The following DNAH12 variants were observed in gnomAD, a reference collection of about 807,000 sequenced individuals.
DNAH12 encodes the protein axonemal beta dynein heavy chain 12.
Under a neutral mutation model 371.5 loss-of-function variants are expected in DNAH12, and 285 were observed. That is an observed-to-expected ratio of 0.77 (90% confidence interval 0.70 to 0.85). DNAH12 has a LOEUF of 0.85. DNAH12 is among the 40% of genes least tolerant of loss of function. The pLI, the probability that DNAH12 is intolerant of heterozygous loss-of-function variation, is 0.00. For synonymous variants in DNAH12, 1,200 were observed against 1,213.0 expected (o/e 0.99, Z 0.22); for missense variants, 3,611 against 3,689.4 (o/e 0.98, Z 0.55).
At chr3:57,514,746 C>A (rs987073889) in intron 4 of DNAH12, among the ~76,000 whole-genome samples, 7 of 152,008 alleles carry the variant, frequency 4.6e-5, no homozygotes, top group Admixed American at 3.3e-4. Context: ...ACAAACAAAC[C>A]AATGAACCTA....
chr3:57,402,662 G>C (rs1248066943), intron 43 of DNAH12, among the ~76,000 whole-genome samples: 10 of 152,190 alleles, frequency 6.6e-5, no homozygotes, highest in Admixed American at 6.5e-4. Context: ...AGAGTAGAAA[G>C]ACACTTATCA....
In DNAH12 at chr3:57,509,681, G is replaced by A. The variant is rs547964246; in HGVS notation, c.470-469C>T. ...GTTTGAGACCAGGCTAGCCAACATG[G>A]TGAAACCCCATCTCTACTAAAAATA... On this transcript the variant is annotated intron_variant, in intron 5 of 73. Transcript: ENST00000495027. Among the ~76,000 whole-genome samples the A allele has an allele frequency of 2.7e-4, 41 of 151,974 alleles. No homozygotes were observed. In the South Asian group the frequency reaches 8.1e-3, roughly 30 times the overall value.
rs547555114 is a variant in DNAH12 at position 57,295,547 on chromosome 3, C to T, written c.11670G>A (p.Met3890Ile). Residue 3890 changes from methionine to isoleucine, a missense_variant, in exon 73 of 74, where the codon ATG (methionine) becomes ATA (isoleucine). Coordinates refer to ENST00000495027, the MANE Select transcript of DNAH12 (RefSeq NM_001366028.2). ...EQYPKLLFDL[M>I]PIIWIKPTQK... is the part of the protein sequence containing the mutation. The stretch of plus-strand genomic sequence containing the variant: ...TACTTGGTTTTATCCATATGATGGG[C>T]ATCAGGTCAAACAGAAGTTTGGGAT... 1.9e-6 allele frequency: 3 copies of T among 1,546,058 alleles called. No homozygotes were observed. In the South Asian group the frequency reaches 3.6e-5, roughly 19 times the overall value.
In DNAH12 at chr3:57,458,224, A is replaced by C; in HGVS notation, c.2932-4T>G. Reference sequence around the variant, plus strand: ...TTAAAGAAGTGGCAGCAAGAACCTAAACGAGACACATGCATTCAAGTCAGC... The same window carrying C: ...TTAAAGAAGTGGCAGCAAGAACCTACACGAGACACATGCATTCAAGTCAGC... On this transcript the variant is annotated splice_polypyrimidine_tract_variant and splice_region_variant and intron_variant, in intron 20 of 73. Coordinates refer to ENST00000495027, the MANE Select transcript of DNAH12 (RefSeq NM_001366028.2). The C allele has an allele frequency of 1.3e-6, 2 of 1,541,840 alleles. No homozygotes were observed. The highest frequency in any genetic ancestry group is 1.7e-6 in the Non-Finnish European group (2 of 1,144,656).
intron 33 of DNAH12, among the ~76,000 whole-genome samples, chr3:57,429,418 T>G (rs1310762817): frequency 6.6e-6 from 1 of 152,064 alleles, no homozygotes; most frequent in African/African-American, 2.4e-5. Flanking sequence ...TCAGGTGATC[T>G]GCCCGCCTCA....
At chr3:57,504,821 T>C (rs749844380) in intron 8 of DNAH12, among the ~76,000 whole-genome samples, 63 of 152,172 alleles carry the variant, frequency 4.1e-4, no homozygotes, top group Non-Finnish European at 6.5e-4. Flanking sequence ...TGCTAGCAAA[T>C]ACTAGGTCTT....
chr3:57,454,671 A>G lies in DNAH12; in HGVS notation c.3456+104T>C, dbSNP rs994673091. On this transcript the variant is annotated intron_variant, in intron 23 of 73. Transcript: ENST00000495027. The stretch of plus-strand genomic sequence containing the variant: ...GATTTCTTGAGGCCAGGAGTTCAAG[A>G]CTAGCCTGGGTAGCATAGCAAGATC... 4 of 1,449,204 alleles carry G rather than the reference A, an allele frequency of 2.8e-6. No individual in the cohort carries two copies. In the African/African-American group the frequency reaches 4.3e-5, roughly 16 times the overall value. 89.8% of individuals were successfully genotyped at this position (1,449,204 alleles called of 1,614,324 possible). A position where few individuals can be genotyped will look rare whatever the true frequency, so the allele number is the denominator to read the frequency against.
chr3:57,526,527 CTTTTTTTTTTT>C (rs759097908), intron 2 of DNAH12, among the ~76,000 whole-genome samples: 1 of 121,246 alleles, frequency 8.2e-6, no homozygotes, highest in Non-Finnish European at 1.7e-5. Flanking sequence ...GTTTCCAGAT[CTTTTTTTTTTT>C]TTTTTTTTTG....
chr3:57,339,380 T>TAA (rs59005430), intron 60 of DNAH12, among the ~76,000 whole-genome samples: 9 of 113,352 alleles, frequency 7.9e-5, no homozygotes, highest in East Asian at 2.3e-4. Context: ...CAATAAATAC[T>TAA]AAAAAAAAAA....
At chr3:57,532,438 A>C (rs1052174233) in intron 2 of DNAH12, among the ~76,000 whole-genome samples, 1 of 152,166 alleles carries the variant, frequency 6.6e-6, no homozygotes, top group Non-Finnish European at 1.5e-5. Context: ...TTAAGTACTT[A>C]TTGCAGTCTT....
At position 57,295,591 on chromosome 3, in the gene DNAH12, C is replaced by T. The variant is rs1286121335; in HGVS notation, c.11626G>A (p.Gly3876Arg). ...LDGARWDRES[G>R]LLAEQYPKLL... ...TTGGGATATTGTTCAGCAAGCAATC[C>T]ACTGTAACGAGAAATTGACAGAAAT... Residue 3876 changes from glycine to arginine, a missense_variant and splice_region_variant, in exon 73 of 74, where the codon GGA becomes AGA. Gly to Arg is a moderately radical substitution (Grantham distance 125). Transcript: ENST00000495027. 3 of 1,539,342 alleles carry T rather than the reference C, an allele frequency of 1.9e-6. No homozygotes were observed. Among genetic ancestry groups the T allele is most frequent in the South Asian group, 2.4e-5 (2 of 82,036 alleles).
intron 4 of DNAH12, among the ~76,000 whole-genome samples, chr3:57,520,450 A>ATT (rs11440259): frequency 0.48 from 68,573 of 141,630 alleles, 16,744 homozygotes; most frequent in South Asian, 0.56. Context: ...TATTATTATT[A>ATT]TTTTTTTTTT....
intron 35 of DNAH12, among the ~76,000 whole-genome samples, chr3:57,424,488 T>G (rs1326542979): frequency 5.1e-5 from 5 of 98,400 alleles, no homozygotes; most frequent in Non-Finnish European, 2.0e-5. Context: ...AAAAAAAAAT[T>G]GGATAGTTGC....
At chr3:57,487,895 G>T (rs13061113) in intron 12 of DNAH12, among the ~76,000 whole-genome samples, 60 of 150,180 alleles carry the variant, frequency 4.0e-4, no homozygotes, top group South Asian at 1.3e-3. Flanking sequence ...TTGTTTTTTG[G>T]TTTTTTTTAA....
intron 15 of DNAH12, 126 bp from the exon 16 acceptor site, chr3:57,470,762 A>C: frequency 1.2e-6 from 1 of 837,562 alleles, no homozygotes; most frequent in Middle Eastern, 3.6e-4. Context: ...GCTGGAGTGC[A>C]GTGGCGTGAT....
intron 9 of DNAH12, among the ~76,000 whole-genome samples, chr3:57,503,176 C>A (rs2153391124): frequency 6.6e-6 from 1 of 152,194 alleles, no homozygotes; most frequent in Admixed American, 6.5e-5. Flanking sequence ...TCACTTGAGC[C>A]CAGGAGTTCG....
chr3:57,491,999 C>G (rs1273508096), intron 11 of DNAH12, among the ~76,000 whole-genome samples: 11 of 137,018 alleles, frequency 8.0e-5, no homozygotes, highest in African/African-American at 2.7e-4. Context: ...GAGACTCTGT[C>G]AAAAAAAAAA....
Position 57,433,513 on chromosome 3 carries a change from G to A in DNAH12, c.4840-6C>T, listed in dbSNP as rs1035858664. ...GCCACAATACCATCAGTCCACTGAG[G>A]AGGAAAAAAAAGAATTAAAAAGCTC... On this transcript the variant is annotated splice_region_variant and splice_polypyrimidine_tract_variant and intron_variant, in intron 31 of 73. Coordinates refer to ENST00000495027, the MANE Select transcript of DNAH12 (RefSeq NM_001366028.2). 3.2e-6 allele frequency: 5 copies of A among 1,542,736 alleles called. No individual in the cohort carries two copies. In the South Asian group the frequency reaches 4.9e-5, roughly 15 times the overall value.
intron 65 of DNAH12, among the ~76,000 whole-genome samples, chr3:57,320,798 G>T (rs1241323440): frequency 6.6e-6 from 1 of 152,152 alleles, no homozygotes; most frequent in African/African-American, 2.4e-5. Context: ...CCCTCTAGGG[G>T]AATCGGATGC....
Sources: gnomAD v4.1 joint callset for allele counts (sites outside exome capture counted in the v4.1 genomes callset) on GRCh38, gnomAD v4.1.1 for gene constraint, MANE v1.5 for transcripts, NCBI Gene and HGNC (gene_info 2026-07-23, HGNC 2026-07-21) for gene names.